Variants in CDCA8 observed in about 807,000 individuals in gnomAD.
The protein encoded by CDCA8 is cell division cycle associated 8.
Under a neutral mutation model 40.0 loss-of-function variants are expected in CDCA8, and 25 were observed. The ratio of observed to expected loss-of-function variants is 0.63; its 90% CI spans 0.46 to 0.87. CDCA8 has a LOEUF of 0.87. Among genes scored for constraint, CDCA8 ranks in the 40% least tolerant of loss-of-function variants. The pLI, the probability that CDCA8 is intolerant of heterozygous loss-of-function variation, is 0.00. For missense variants in CDCA8, 280 were observed against 348.4 expected (o/e 0.80, Z 1.56); for synonymous variants, 111 against 126.5 (o/e 0.88, Z 0.82).
At chr1:37,703,197 C>T in intron 6 of CDCA8, 55 bp from the exon 7 acceptor site, 1 of 1,357,100 alleles carries the variant, frequency 7.4e-7, no homozygotes, top group East Asian at 2.3e-5. Flanking sequence ...TCCTCTGCTG[C>T]TGCCTTCGTG....
chr1:37,697,637 G>T (rs523345), intron 3 of CDCA8, among the ~76,000 whole-genome samples: 1 of 152,188 alleles, frequency 6.6e-6, no homozygotes, highest in Non-Finnish European at 1.5e-5. Flanking sequence ...GATGCCAACC[G>T]AGGCCAGGCT....
chr1:37,703,905 C>T (rs1045740366), intron 7 of CDCA8, among the ~76,000 whole-genome samples: 4 of 151,866 alleles, frequency 2.6e-5, no homozygotes, highest in African/African-American at 9.7e-5. Context: ...CTCTAGGTGA[C>T]GTTTTTGGCC....
In CDCA8 at chr1:37,708,445, T is replaced by A; in HGVS notation, c.*79T>A. ...AGACTTCTTCCCTTCAGGCTTATTGTTTGAGTGTGAAGTTCCAGAGCAAGG... is the reference window on the plus strand; with the variant it reads ...AGACTTCTTCCCTTCAGGCTTATTGATTGAGTGTGAAGTTCCAGAGCAAGG... On this transcript the variant is annotated 3_prime_UTR_variant, in exon 10 of 10. Transcript: ENST00000373055. 7.3e-7 allele frequency: 1 copy of A among 1,364,582 alleles called. No homozygotes were observed. The highest frequency in any genetic ancestry group is 1.0e-6 in the Non-Finnish European group (1 of 954,494). The allele number at this position is 1,364,582 out of a possible 1,614,324, so 84.5% of individuals were successfully genotyped here.
At chr1:37,694,940 G>A (rs1428065916) in intron 2 of CDCA8, among the ~76,000 whole-genome samples, 1 of 152,238 alleles carries the variant, frequency 6.6e-6, no homozygotes. Flanking sequence ...AGAAGCAAAG[G>A]ATGTCATCTC....
intron 6 of CDCA8, among the ~76,000 whole-genome samples, chr1:37,702,341 A>T (rs143904936): frequency 6.6e-6 from 1 of 151,630 alleles, no homozygotes; most frequent in African/African-American, 2.4e-5. Flanking sequence ...GTTATGTTTC[A>T]GTTCCTGATA....
At chr1:37,707,534 CCTT>C (rs1484626330) in intron 9 of CDCA8, among the ~76,000 whole-genome samples, 1 of 152,002 alleles carries the variant, frequency 6.6e-6, no homozygotes, top group Non-Finnish European at 1.5e-5. Flanking sequence ...CAGCAGATAA[CCTT>C]CTCCACAGGC....
chr1:37,692,862 G>T (rs371414920), intron 1 of CDCA8, 43 bp from the exon 2 acceptor site: 18 of 1,612,714 alleles, frequency 1.1e-5, no homozygotes, highest in Non-Finnish European at 1.4e-5. Flanking sequence ...GCACAGATTC[G>T]CCCGCCCGTG....
At position 37,705,262 on chromosome 1, in the gene CDCA8, C is replaced by T. The variant is rs376285919; in HGVS notation, c.585-179C>T. 1.3e-4 allele frequency among the ~76,000 whole-genome samples: 20 copies of T among 152,260 alleles called. No homozygotes were observed. In the South Asian group the frequency reaches 4.1e-3, roughly 32 times the overall value. The stretch of plus-strand genomic sequence containing the variant: ...TTCAATAATTACAACCTTCTTTCTC[C>T]AGCTGTGTTTAGTCATTACTGCTTT... On this transcript the variant is annotated intron_variant, in intron 7 of 9. Transcript: ENST00000373055.
In CDCA8 at chr1:37,705,500, C is replaced by T. The variant is rs757758118; in HGVS notation, c.644C>T (p.Ser215Leu). 1 of 1,613,980 alleles carries T rather than the reference C, an allele frequency of 6.2e-7. No individual in the cohort carries two copies. The highest frequency in any genetic ancestry group is 8.5e-7 in the Non-Finnish European group (1 of 1,180,016). The part of the protein sequence containing the change: ...PAAGERIYNI[S>L]GNGSPLADSK... ...GCAGGAGAGCGGATTTACAACATCTCAGGGAATGGCAGCCCTCTTGCTGAC... is the reference window on the plus strand; with the variant it reads ...GCAGGAGAGCGGATTTACAACATCTTAGGGAATGGCAGCCCTCTTGCTGAC... Residue 215 changes from serine (S) to leucine (L), a missense_variant, in exon 8 of 10, where the codon TCA (serine) becomes TTA (leucine). Ser to Leu is a moderately radical substitution (Grantham distance 145). Coordinates refer to ENST00000373055, the MANE Select transcript of CDCA8 (RefSeq NM_001256875.2).
intron 7 of CDCA8, among the ~76,000 whole-genome samples, chr1:37,704,166 C>T (rs1645583320): frequency 6.6e-6 from 1 of 152,062 alleles, no homozygotes; most frequent in African/African-American, 2.4e-5. Flanking sequence ...AACTCCTGAG[C>T]TCAAGCAATC....
intron 8 of CDCA8, 144 bp downstream of exon 8, chr1:37,705,711 C>A: frequency 1.2e-6 from 1 of 830,596 alleles, no homozygotes; most frequent in Non-Finnish European, 1.8e-6. Context: ...ACTCAGAACC[C>A]AGTTTTCTCT....
chr1:37,696,845 TC>T lies in CDCA8; in HGVS notation c.264+897del, dbSNP rs1645530081. ...GACCACCAAGGGCACATAGCAGATC[TC>T]CGCCAGCTTCATTCAGAAGGTAAAG... On this transcript the variant is annotated intron_variant, in intron 3 of 9. Transcript: ENST00000373055. The surrounding 1 kb of genome is among the most constrained non-coding windows in gnomAD (Gnocchi z 5.0). 6.6e-6 allele frequency among the ~76,000 whole-genome samples: 1 copy of T among 152,214 alleles called. No individual in the cohort carries two copies. Among genetic ancestry groups the T allele is most frequent in the Admixed American group, 6.5e-5 (1 of 15,276 alleles).
Position 37,692,751 on chromosome 1 carries a change from C to G in CDCA8, c.61C>G (p.Leu21Val). The G allele has an allele frequency of 6.2e-7, 1 of 1,613,554 alleles. No individual in the cohort carries two copies. The highest frequency in any genetic ancestry group is 8.5e-7 in the Non-Finnish European group (1 of 1,179,970). The change falls in exon 1 of 10, where the codon CTC (leucine) becomes GTC (valine). Residue 21 changes from leucine (L) to valine (V), a missense_variant. Leu to Val is a conservative substitution (Grantham distance 32, BLOSUM62 1). Transcript: ENST00000373055. ...GACCAACTCCTTACGGAGGCGGAAG[C>G]TCGCCTCCTTTCTGAAAGACTTCGA... Reference protein sequence around the residue: ...AKTNSLRRRKLASFLKDFDRE... With the variant: ...AKTNSLRRRKVASFLKDFDRE...
chr1:37,696,030 T>C lies in CDCA8; in HGVS notation c.264+80T>C, dbSNP rs1380985179. On this transcript the variant is annotated intron_variant, in intron 3 of 9. Coordinates refer to ENST00000373055, the MANE Select transcript of CDCA8 (RefSeq NM_001256875.2). This position sits in a 1 kb window ranked among gnomAD's most constrained non-coding sequence, Gnocchi z 5.0. ...CCAGATCCAACTAATAGATGCTTAC[T>C]GTGGAAGAGGTTTCATAAAGGGACA... 4 of 1,220,726 alleles carry C rather than the reference T, an allele frequency of 3.3e-6. No individual in the cohort carries two copies. In the East Asian group the frequency reaches 9.5e-5, roughly 29 times the overall value. 75.6% of individuals were successfully genotyped at this position (1,220,726 alleles called of 1,614,324 possible).
chr1:37,705,810 GTTTTT>G (rs35363414), intron 8 of CDCA8, among the ~76,000 whole-genome samples: 1 of 129,114 alleles, frequency 7.7e-6, no homozygotes, highest in African/African-American at 3.0e-5. Context: ...TTTTTTGTGG[GTTTTT>G]TTTTTTTTTT....
intron 2 of CDCA8, among the ~76,000 whole-genome samples, chr1:37,693,955 T>C (rs1645505387): frequency 6.6e-6 from 1 of 151,882 alleles, no homozygotes; most frequent in Non-Finnish European, 1.5e-5. Context: ...CTGACCAACA[T>C]GGAGAAACCC....
In CDCA8 at chr1:37,708,547, C is replaced by G; in HGVS notation, c.*181C>G. Reference sequence around the variant, plus strand: ...CAGTTAGGTAGAGCTGTCTGTTCACCCTCCCATCCCAGCTGATCCCAGTCA... The same window carrying G: ...CAGTTAGGTAGAGCTGTCTGTTCACGCTCCCATCCCAGCTGATCCCAGTCA... On this transcript the variant is annotated 3_prime_UTR_variant, in exon 10 of 10. Coordinates refer to ENST00000373055, the MANE Select transcript of CDCA8 (RefSeq NM_001256875.2). The G allele has an allele frequency of 1.6e-6, 1 of 620,566 alleles. No homozygotes were observed. Among genetic ancestry groups the G allele is most frequent in the Non-Finnish European group, 2.9e-6 (1 of 345,526 alleles). The allele number at this position is 620,566 out of a possible 1,614,324, so 38.4% of individuals were successfully genotyped here.
chr1:37,695,082 G>A (rs2148285734), intron 2 of CDCA8, among the ~76,000 whole-genome samples: 1 of 152,282 alleles, frequency 6.6e-6, no homozygotes, highest in East Asian at 1.9e-4. Flanking sequence ...GCTGGGCACA[G>A]TGGCTCACCT....
intron 2 of CDCA8, among the ~76,000 whole-genome samples, chr1:37,695,480 C>T (rs1645520823): frequency 6.6e-6 from 1 of 151,718 alleles, no homozygotes; most frequent in South Asian, 2.1e-4. Flanking sequence ...GTAGTCCCAG[C>T]TACTTGGGAG....
Sources: allele counts gnomAD v4.1 joint callset (sites outside exome capture counted in the v4.1 genomes callset), GRCh38; gene constraint gnomAD v4.1.1; non-coding constraint Gnocchi (gnomAD v3.1); transcripts MANE v1.5; gene names NCBI Gene and HGNC (gene_info 2026-07-23, HGNC 2026-07-21).